Variants in HAUS8 observed in about 807,000 individuals in gnomAD.
HAUS8 encodes HAUS augmin-like complex subunit 8.
A neutral mutation model predicts 42.9 loss-of-function variants in HAUS8; 38 were observed. The observed-to-expected ratio is 0.89, with a 90% CI of 0.68 to 1.16. The LOEUF (loss-of-function observed/expected upper bound fraction) is 1.16. Among genes scored for constraint, HAUS8 ranks in the 50% most tolerant of loss-of-function variants. The pLI is 0.00. For synonymous variants in HAUS8, 199 were observed against 205.8 expected (o/e 0.97, Z 0.28); for missense variants, 494 against 511.6 (o/e 0.97, Z 0.33).
intron 10 of HAUS8, among the ~76,000 whole-genome samples, chr19:17,051,214 A>G (rs1403946801): frequency 1.3e-5 from 2 of 152,086 alleles, no homozygotes; most frequent in Non-Finnish European, 2.9e-5. Flanking sequence ...GAATTGATCC[A>G]TGGCCACCCA....
At chr19:17,072,596 C>T (rs8102339) in intron 2 of HAUS8, among the ~76,000 whole-genome samples, 106,163 of 151,168 alleles carry the variant, frequency 0.7, 37,769 homozygotes, top group African/African-American at 0.8. Context: ...CACCTTGGCG[C>T]CTCAAACTGC....
intron 2 of HAUS8, among the ~76,000 whole-genome samples, chr19:17,069,447 C>T (rs943000906): frequency 7.3e-4 from 111 of 151,140 alleles, no homozygotes; most frequent in African/African-American, 2.5e-3. Flanking sequence ...CCTCCCATCT[C>T]GTGTGACCCC....
At chr19:17,061,417 G>A (rs144768744) in intron 4 of HAUS8, among the ~76,000 whole-genome samples, 88 of 152,268 alleles carry the variant, frequency 5.8e-4, no homozygotes, top group Middle Eastern at 6.8e-3. Flanking sequence ...GATTACAGGC[G>A]TGAGCCACCA....
At chr19:17,070,051 A>G (rs2057411934) in intron 2 of HAUS8, among the ~76,000 whole-genome samples, 2 of 151,834 alleles carry the variant, frequency 1.3e-5, no homozygotes, top group East Asian at 2.0e-4. Context: ...TCTCCACCAG[A>G]TGCTGGAGGT....
chr19:17,049,829 C>A lies in HAUS8; in HGVS notation c.*44G>T, dbSNP rs755800302. On this transcript the variant is annotated 3_prime_UTR_variant, in exon 11 of 11. Coordinates refer to ENST00000253669, the MANE Select transcript of HAUS8 (RefSeq NM_033417.2). Reference sequence around the variant, plus strand: ...CACATAAAAAATAGCTACAGTGCTACGGTAGTATATAAAGTGCTCAAGTAT... The same window carrying A: ...CACATAAAAAATAGCTACAGTGCTAAGGTAGTATATAAAGTGCTCAAGTAT... 1 of 1,337,850 alleles carries A rather than the reference C, an allele frequency of 7.5e-7. No individual in the cohort carries two copies. The highest frequency in any genetic ancestry group is 9.9e-7 in the Non-Finnish European group (1 of 1,015,086). 82.9% of individuals were successfully genotyped at this position (1,337,850 alleles called of 1,614,324 possible).
intron 2 of HAUS8, among the ~76,000 whole-genome samples, chr19:17,070,565 G>GCTCT (rs1243974357): frequency 6.6e-6 from 1 of 152,148 alleles, no homozygotes; most frequent in Non-Finnish European, 1.5e-5. Context: ...CTCTCTCAAG[G>GCTCT]CTCTGCTCAG....
At chr19:17,059,963 G>T in intron 5 of HAUS8, 34 bp downstream of exon 5, 1 of 1,480,438 alleles carries the variant, frequency 6.8e-7, no homozygotes, top group Non-Finnish European at 9.4e-7. Context: ...GCAACCCCCA[G>T]TGAGTGACAG....
upstream of HAUS8, chr19:17,075,528 C>A (rs1044896756): frequency 4.3e-5 from 56 of 1,288,226 alleles, no homozygotes; most frequent in African/African-American, 5.9e-5. Flanking sequence ...GGGGTGGCTG[C>A]GAGGCGTGAG....
chr19:17,065,810 C>T (rs1293336693), intron 3 of HAUS8, among the ~76,000 whole-genome samples: 1 of 137,558 alleles, frequency 7.3e-6, no homozygotes, highest in Non-Finnish European at 1.5e-5. Flanking sequence ...GGCGACAGAG[C>T]GAGGCTCTAT....
At position 17,049,986 on chromosome 19, in the gene HAUS8, C is replaced by T; in HGVS notation, c.1120G>A (p.Ala374Thr). 3.1e-6 allele frequency: 5 copies of T among 1,601,878 alleles called. No individual in the cohort carries two copies. Among genetic ancestry groups the T allele is most frequent in the Non-Finnish European group, 4.3e-6 (5 of 1,174,630 alleles). The change falls in exon 11 of 11, where the codon GCC (alanine) becomes ACC (threonine). Residue 374 changes from alanine to threonine, a missense_variant. Ala to Thr is a moderately conservative substitution (Grantham distance 58, BLOSUM62 0). Transcript: ENST00000253669. Reference protein sequence around the residue: ...TPLSEDDNPGASSAPAQATFI... With the variant: ...TPLSEDDNPGTSSAPAQATFI... ...GTGGCCTGAGCGGGGGCTGACGAGG[C>T]ACCCGGGTTGTCGTCCTCAGACAGG...
At position 17,073,274 on chromosome 19, in the gene HAUS8, C is replaced by T. The variant is rs1056425212; in HGVS notation, c.91G>A (p.Gly31Ser). The T allele has an allele frequency of 1.2e-6, 2 of 1,613,168 alleles. No individual in the cohort carries two copies. The highest frequency in any genetic ancestry group is 1.1e-5 in the South Asian group (1 of 91,072). ...SAKKKDKRVQ[G>S]GRVIESRYLQ... Reference sequence around the variant, plus strand: ...TTAAAGAGATCCTGACACTGCTTACCTTGAACTCTTTTATCCTTCTTCTTG... The same window carrying T: ...TTAAAGAGATCCTGACACTGCTTACTTTGAACTCTTTTATCCTTCTTCTTG... The change falls in exon 2 of 11, where the codon GGT becomes AGT. Residue 31 changes from glycine to serine, a missense_variant and splice_region_variant. Coordinates refer to ENST00000253669, the MANE Select transcript of HAUS8 (RefSeq NM_033417.2).
In HAUS8 at chr19:17,060,052, C is replaced by T. The variant is rs375911796; in HGVS notation, c.270G>A (p.Thr90=). The change falls in exon 5 of 11, where the codon ACG becomes ACA. Residue 90 remains threonine, a synonymous_variant. Transcript: ENST00000253669. ...SGVGKGDLQS[T]LLEGHGTAPP... Reference sequence around the variant, plus strand: ...GAGCTGTGCCATGCCCTTCCAGCAACGTGGACTGCAGGTCACCCTTTCCGA... The same window carrying T: ...GAGCTGTGCCATGCCCTTCCAGCAATGTGGACTGCAGGTCACCCTTTCCGA... The T allele has an allele frequency of 8.7e-6, 14 of 1,613,516 alleles. No homozygotes were observed. Among genetic ancestry groups the T allele is most frequent in the Admixed American group, 5.0e-5 (3 of 59,970 alleles).
chr19:17,053,828 A>T (rs957651341), intron 9 of HAUS8: 7 of 151,274 alleles, frequency 4.6e-5, no homozygotes, highest in African/African-American at 1.7e-4. Context: ...ACACCTGGCT[A>T]TTTTTTTTGT....
chr19:17,056,081 AG>A (rs1289369485), intron 8 of HAUS8, 79 bp from the exon 9 acceptor site: 2 of 1,394,814 alleles, frequency 1.4e-6, no homozygotes, highest in African/African-American at 3.1e-5. Context: ...CGGCTTGTGC[AG>A]GGTTAAGATA....
intron 9 of HAUS8, among the ~76,000 whole-genome samples, chr19:17,054,374 C>G: frequency 6.6e-6 from 1 of 151,982 alleles, no homozygotes; most frequent in East Asian, 1.9e-4. Context: ...GAAACCCGGC[C>G]GGGCAGGGGG....
At chr19:17,072,853 T>C (rs1402348690) in intron 2 of HAUS8, among the ~76,000 whole-genome samples, 1 of 149,140 alleles carries the variant, frequency 6.7e-6, no homozygotes, top group Non-Finnish European at 1.5e-5. Context: ...CAGTGGTTAA[T>C]GCCTGTAATC....
chr19:17,070,519 G>A (rs1473347966), intron 2 of HAUS8, among the ~76,000 whole-genome samples: 2 of 152,110 alleles, frequency 1.3e-5, no homozygotes, highest in Non-Finnish European at 2.9e-5. Context: ...CTGCCGCGTG[G>A]ACCCCCTTGC....
intron 8 of HAUS8, among the ~76,000 whole-genome samples, chr19:17,057,097 C>T (rs557868396): frequency 2.0e-4 from 30 of 152,166 alleles, no homozygotes; most frequent in African/African-American, 7.0e-4. Flanking sequence ...CACCTATAAT[C>T]CCAGCACTTT....
chr19:17,059,577 C>G lies in HAUS8; in HGVS notation c.400G>C (p.Ala134Pro). 6.2e-7 allele frequency: 1 copy of G among 1,613,552 alleles called. No homozygotes were observed. Among genetic ancestry groups the G allele is most frequent in the South Asian group, 1.1e-5 (1 of 91,012 alleles). Residue 134 changes from alanine to proline, a missense_variant, in exon 6 of 11, where the codon GCC becomes CCC. Physicochemically the swap from Ala to Pro is conservative, Grantham distance 27. Transcript: ENST00000253669. ...CTTACCGGGCTCTTTTTCCGAGGGG[C>G]AGAAAATGATGTTGACTCAGGTTTC... ...SKKPESTSFS[A>P]PRKKSPDLSE...
Sources: gnomAD v4.1 joint callset for allele counts (sites outside exome capture counted in the v4.1 genomes callset) on GRCh38, gnomAD v4.1.1 for gene constraint, MANE v1.5 for transcripts, NCBI Gene and HGNC (gene_info 2026-07-23, HGNC 2026-07-21) for gene names.